The following SGTB variants were observed in gnomAD, a reference collection of about 807,000 sequenced individuals.
SGTB encodes small glutamine-rich tetratricopeptide repeat-containing protein beta.
A neutral mutation model predicts 43.9 loss-of-function variants in SGTB; 19 were observed. That is an observed-to-expected ratio of 0.43 (90% CI 0.30 to 0.63). SGTB has a LOEUF of 0.63. SGTB is among the 30% of genes least tolerant of loss of function. The pLI, the probability that SGTB is intolerant of heterozygous loss-of-function variation, is 0.12. For synonymous variants in SGTB, 116 were observed against 117.3 expected (o/e 0.99, Z 0.07); for missense variants, 304 against 358.9 (o/e 0.85, Z 1.24).
At chr5:65,691,934 G>GAAAAAAAAAAAAAAAA (rs70983684) in intron 5 of SGTB, among the ~76,000 whole-genome samples, 1 of 89,868 alleles carries the variant, frequency 1.1e-5, no homozygotes. Flanking sequence ...TCGTCTTAAA[G>GAAAAAAAAAAAAAAAA]AAAAAAAAAA....
At chr5:65,708,362 G>A (rs911730453) in intron 4 of SGTB, 127 bp downstream of exon 4, 44 of 701,430 alleles carry the variant, frequency 6.3e-5, no homozygotes, top group Middle Eastern at 3.3e-4. Flanking sequence ...TTTCTGTTTC[G>A]TAATTGCCAT....
At position 65,680,813 on chromosome 5, in the gene SGTB, A is replaced by G. The variant is rs1757381681; in HGVS notation, c.480-19T>C. 1.2e-6 allele frequency: 2 copies of G among 1,606,526 alleles called. No homozygotes were observed. Among genetic ancestry groups the G allele is most frequent in the Middle Eastern group, 2.1e-4 (1 of 4,788 alleles). On this transcript the variant is annotated intron_variant, in intron 6 of 10. Transcript: ENST00000381007. ...GGCCAGCCTGAAGGGAATAGAATAT[A>G]AGAATATCAGATATATGATTAAAGA...
In SGTB at chr5:65,721,975, C is replaced by G. The variant is rs918473046; in HGVS notation, c.-81G>C. On this transcript the variant is annotated 5_prime_UTR_variant, in exon 1 of 11. Transcript: ENST00000381007. ...CCGCGGGGTTCCGTAGGCAGGCCCGCCCGACCCCTGGTCCTCGGGGCTGGA... is the reference window on the plus strand; with the variant it reads ...CCGCGGGGTTCCGTAGGCAGGCCCGGCCGACCCCTGGTCCTCGGGGCTGGA... The G allele has an allele frequency of 1.3e-5, 2 of 152,684 alleles. No homozygotes were observed. The highest frequency in any genetic ancestry group is 4.8e-5 in the African/African-American group (2 of 41,474). 9.5% of individuals were successfully genotyped at this position (152,684 alleles called of 1,614,324 possible).
At chr5:65,700,684 A>C (rs1487021919) in intron 5 of SGTB, among the ~76,000 whole-genome samples, 30 of 82,510 alleles carry the variant, frequency 3.6e-4, no homozygotes, top group Non-Finnish European at 7.3e-4. Flanking sequence ...CTGTCTCCCA[A>C]AAAAAAAAAA....
At chr5:65,715,631 A>G (rs1309559291) in intron 2 of SGTB, among the ~76,000 whole-genome samples, 1 of 152,270 alleles carries the variant, frequency 6.6e-6, no homozygotes, top group Non-Finnish European at 1.5e-5. Flanking sequence ...AATAAAACAG[A>G]AAAGATCCCT....
chr5:65,682,074 G>C lies in SGTB; in HGVS notation c.480-1280C>G, dbSNP rs1289338517. Among the ~76,000 whole-genome samples, 3 of 152,118 alleles carry C rather than the reference G, an allele frequency of 2.0e-5. No individual in the cohort carries two copies. In the East Asian group the frequency reaches 5.8e-4, roughly 29 times the overall value. ...TGCAAATAAAAAGGGCAATATTAAA[G>C]GAATGAATAGGAGAGCTGCTCAAAA... is the stretch of plus-strand genomic sequence containing the variant. On this transcript the variant is annotated intron_variant, in intron 6 of 10. Coordinates refer to ENST00000381007, the MANE Select transcript of SGTB (RefSeq NM_019072.3).
chr5:65,715,762 T>C (rs1212925037), intron 2 of SGTB, among the ~76,000 whole-genome samples: 1 of 151,680 alleles, frequency 6.6e-6, no homozygotes, highest in Non-Finnish European at 1.5e-5. Flanking sequence ...AGCTGCAGGG[T>C]TTTTGTTGTT....
chr5:65,715,916 T>A (rs1017607068), intron 2 of SGTB, among the ~76,000 whole-genome samples: 1 of 152,192 alleles, frequency 6.6e-6, no homozygotes, highest in African/African-American at 2.4e-5. Context: ...ATTACAGACG[T>A]GTGCCACCAC....
At position 65,704,045 on chromosome 5, in the gene SGTB, A is replaced by AT. The variant is rs1554025694; in HGVS notation, c.374+233_374+234insA. 9.3e-3 allele frequency among the ~76,000 whole-genome samples: 1,164 copies of AT among 125,340 alleles called. 13 individuals are homozygous for AT. Among genetic ancestry groups the AT allele is most frequent in the African/African-American group, 0.019 (650 of 33,658 alleles). The allele number at this position is 125,340 out of a possible 152,430, so 82.2% of individuals were successfully genotyped here. ...AGTGAGACTCCGTCTCAAAAAAAAAAAAAAAAATAAATAAATAAATAAATA... is the reference window on the plus strand; with the variant it reads ...AGTGAGACTCCGTCTCAAAAAAAAAATAAAAAAATAAATAAATAAATAAATA... On this transcript the variant is annotated intron_variant, in intron 5 of 10. Transcript: ENST00000381007.
intron 5 of SGTB, among the ~76,000 whole-genome samples, chr5:65,703,841 T>C (rs1757868907): frequency 2.0e-5 from 3 of 151,946 alleles, no homozygotes; most frequent in Admixed American, 1.3e-4. Flanking sequence ...ATCGAGACCA[T>C]CCTGGCTAAC....
chr5:65,684,318 A>G lies in SGTB; in HGVS notation c.479+1050T>C, dbSNP rs186589978. Reference sequence around the variant, plus strand: ...AGGCTGGTCTTGAACTCCTGGGCTCAAGCATTTCTCCCACCTTGGCCTCCC... The same window carrying G: ...AGGCTGGTCTTGAACTCCTGGGCTCGAGCATTTCTCCCACCTTGGCCTCCC... On this transcript the variant is annotated intron_variant, in intron 6 of 10. Transcript: ENST00000381007. Among the ~76,000 whole-genome samples the G allele has an allele frequency of 3.3e-3, 505 of 152,188 alleles. 2 individuals are homozygous for G. Among genetic ancestry groups the G allele is most frequent in the African/African-American group, 0.011 (462 of 41,530 alleles).
chr5:65,712,263 G>T (rs1758058015), intron 3 of SGTB, among the ~76,000 whole-genome samples: 1 of 152,104 alleles, frequency 6.6e-6, no homozygotes, highest in South Asian at 2.1e-4. Flanking sequence ...GACAGAGAGA[G>T]ACCTGCCTCA....
intron 5 of SGTB, among the ~76,000 whole-genome samples, chr5:65,685,761 G>T (rs896085119): frequency 2.0e-5 from 3 of 152,140 alleles, no homozygotes; most frequent in Non-Finnish European, 4.4e-5. Context: ...TTTCTAGTTT[G>T]TCCAAACAGA....
intron 4 of SGTB, among the ~76,000 whole-genome samples, chr5:65,706,946 TA>T (rs968147388): frequency 1.6e-4 from 24 of 152,064 alleles, no homozygotes; most frequent in African/African-American, 4.6e-4. Flanking sequence ...CAGTATCATG[TA>T]ACACTACACA....
intron 6 of SGTB, among the ~76,000 whole-genome samples, chr5:65,684,187 C>A (rs1004637597): frequency 1.9e-4 from 29 of 151,876 alleles, no homozygotes; most frequent in African/African-American, 6.5e-4. Context: ...CAGACTCAAG[C>A]AATCTTCTCA....
At chr5:65,681,742 G>C (rs899466257) in intron 6 of SGTB, among the ~76,000 whole-genome samples, 5 of 152,076 alleles carry the variant, frequency 3.3e-5, no homozygotes, top group Admixed American at 6.6e-5. Flanking sequence ...TGGGAGGCCA[G>C]GGTGGGTGGA....
Position 65,713,708 on chromosome 5 carries a change from G to C in SGTB, c.101-644C>G, listed in dbSNP as rs559700325. The stretch of plus-strand genomic sequence containing the variant: ...GTATTACATCATATTCTTGTTGAAG[G>C]CTACCAGAAAGAGCAAGTCATTAAT... On this transcript the variant is annotated intron_variant, in intron 2 of 10. Coordinates refer to ENST00000381007, the MANE Select transcript of SGTB (RefSeq NM_019072.3). Among the ~76,000 whole-genome samples, 4 of 152,172 alleles carry C rather than the reference G, an allele frequency of 2.6e-5. No homozygotes were observed. In the East Asian group the frequency reaches 7.7e-4, roughly 29 times the overall value.
At chr5:65,683,747 C>T (rs932040409) in intron 6 of SGTB, among the ~76,000 whole-genome samples, 1 of 151,846 alleles carries the variant, frequency 6.6e-6, no homozygotes, top group African/African-American at 2.4e-5. Flanking sequence ...GAGATCGAGA[C>T]CATCCTGGCT....
intron 5 of SGTB, among the ~76,000 whole-genome samples, chr5:65,695,357 G>A (rs565952236): frequency 6.6e-6 from 1 of 152,244 alleles, no homozygotes; most frequent in African/African-American, 2.4e-5. Context: ...TAACAGCTTT[G>A]GATCACAAAC....
Sources: allele counts gnomAD v4.1 joint callset (sites outside exome capture counted in the v4.1 genomes callset), GRCh38; gene constraint gnomAD v4.1.1; transcripts MANE v1.5; gene names NCBI Gene and HGNC (gene_info 2026-07-23, HGNC 2026-07-21).